GLB1: variants seen among roughly 807,000 people sequenced by gnomAD.
The protein encoded by GLB1 is beta-galactosidase.
GLB1 carries 56 observed loss-of-function variants against 74.0 expected under a neutral mutation model. That is an observed-to-expected ratio of 0.76 (90% CI 0.61 to 0.94). The LOEUF is 0.94. Among genes scored for constraint, GLB1 ranks in the 40% least tolerant of loss-of-function variants. The probability of loss-of-function intolerance (pLI) is 0.00; values close to 1 mark genes in which losing one functional copy is unlikely to be tolerated. For missense variants in GLB1, 787 were observed against 845.5 expected (o/e 0.93, Z 0.86); for synonymous variants, 323 against 323.6 (o/e 1.00, Z 0.02).
rs552156073 is a variant in GLB1 at position 33,070,333 on chromosome 3, C to T, written c.246-1363G>A. 1.2e-3 allele frequency among the ~76,000 whole-genome samples: 179 copies of T among 151,870 alleles called. 1 individual carries two copies. Among genetic ancestry groups the T allele is most frequent in the African/African-American group, 4.0e-3 (164 of 41,376 alleles). On this transcript the variant is annotated intron_variant, in intron 2 of 15. Transcript: ENST00000307363. Reference sequence around the variant, plus strand: ...GGGAAAGAGCTCAAAAATCCAGTATCCTACATAAATTTCTAAACTGTCTAT... The same window carrying T: ...GGGAAAGAGCTCAAAAATCCAGTATTCTACATAAATTTCTAAACTGTCTAT...
At chr3:33,007,285 C>A (rs1423553956) in intron 15 of GLB1, among the ~76,000 whole-genome samples, 1 of 152,204 alleles carries the variant, frequency 6.6e-6, no homozygotes, top group Non-Finnish European at 1.5e-5. Flanking sequence ...CAGAGCTGCA[C>A]AACCATTACC....
At chr3:32,974,811 A>G in the GLB1 span, among the ~76,000 whole-genome samples, 1 of 152,164 alleles carries the variant, frequency 6.6e-6, no homozygotes, top group Non-Finnish European at 1.5e-5. Context: ...CTCTCAATTA[A>G]TTGGATGAGA....
At chr3:32,971,488 C>T in the GLB1 span, among the ~76,000 whole-genome samples, 2 of 152,158 alleles carry the variant, frequency 1.3e-5, no homozygotes, top group African/African-American at 2.4e-5. Flanking sequence ...ATGCTATGTA[C>T]GTGGAGGAAC....
At chr3:33,054,340 C>A (rs1051503125) in intron 6 of GLB1, among the ~76,000 whole-genome samples, 2 of 152,154 alleles carry the variant, frequency 1.3e-5, no homozygotes, top group African/African-American at 2.4e-5. Flanking sequence ...TGATTGGACC[C>A]ATTTGAAGAT....
chr3:33,010,140 C>A lies in GLB1; in HGVS notation c.1734+3916G>T, dbSNP rs559262261. Among the ~76,000 whole-genome samples, 30 of 152,322 alleles carry A rather than the reference C, an allele frequency of 2.0e-4. No homozygotes were observed. In the South Asian group the frequency reaches 6.0e-3, roughly 31 times the overall value. Reference sequence around the variant, plus strand: ...CGGAATTGCTGGGTTCTATGGTAATCTATGTTTAGCCCTTGAAGAAATTGC... The same window carrying A: ...CGGAATTGCTGGGTTCTATGGTAATATATGTTTAGCCCTTGAAGAAATTGC... On this transcript the variant is annotated intron_variant, in intron 15 of 15. Transcript: ENST00000307363.
At chr3:33,006,679 T>C (rs1466811827) in intron 15 of GLB1, among the ~76,000 whole-genome samples, 2 of 152,224 alleles carry the variant, frequency 1.3e-5, no homozygotes, top group Non-Finnish European at 2.9e-5. Flanking sequence ...ACATCTGGCA[T>C]TAACCAGAAA....
chr3:33,025,910 C>G (rs1363258721), intron 10 of GLB1, among the ~76,000 whole-genome samples: 2 of 152,194 alleles, frequency 1.3e-5, no homozygotes, highest in Non-Finnish European at 2.9e-5. Context: ...CGTCACTGCT[C>G]TTGCCTTGCT....
At position 33,093,377 on chromosome 3, in the gene GLB1, G is replaced by A. The variant is rs747798378; in HGVS notation, c.75+3634C>T. The A allele has an allele frequency of 1.5e-5, 24 of 1,614,138 alleles. No homozygotes were observed. The East Asian group carries it at 3.6e-4, about 24-fold the overall frequency. On this transcript the variant is annotated intron_variant, in intron 1 of 15. Coordinates refer to ENST00000307363, the MANE Select transcript of GLB1 (RefSeq NM_000404.4). This position sits in a 1 kb window ranked among gnomAD's most constrained non-coding sequence, Gnocchi z 6.0. ...TGTAGTACTCATGATTGCCTGTGACGAAGTAGGCACCGAGATGTGAATGAA... is the reference window on the plus strand; with the variant it reads ...TGTAGTACTCATGATTGCCTGTGACAAAGTAGGCACCGAGATGTGAATGAA...
the GLB1 span, among the ~76,000 whole-genome samples, chr3:32,966,861 C>T: frequency 6.6e-6 from 1 of 152,172 alleles, no homozygotes; most frequent in Admixed American, 6.5e-5. Context: ...CGCTGTCTTG[C>T]CTGCTGCCAT....
At chr3:33,011,569 C>A (rs943961944) in intron 15 of GLB1, among the ~76,000 whole-genome samples, 3 of 144,526 alleles carry the variant, frequency 2.1e-5, no homozygotes, top group Non-Finnish European at 4.5e-5. Flanking sequence ...TGCTTGAGCC[C>A]GGGAGGCAGA....
chr3:33,068,016 G>T (rs1377837838), intron 4 of GLB1, among the ~76,000 whole-genome samples: 1 of 152,112 alleles, frequency 6.6e-6, no homozygotes, highest in Non-Finnish European at 1.5e-5. Flanking sequence ...CTCCTGAGTA[G>T]CTGGGATTAC....
chr3:33,056,106 T>C (rs1212509896), intron 6 of GLB1, among the ~76,000 whole-genome samples: 2 of 151,420 alleles, frequency 1.3e-5, no homozygotes, highest in Non-Finnish European at 2.9e-5. Context: ...CAGGTGCCTG[T>C]AATCCCAGCT....
chr3:33,088,949 GAGGAT>G (rs1249450821), intron 1 of GLB1, among the ~76,000 whole-genome samples: 1 of 152,178 alleles, frequency 6.6e-6, no homozygotes, highest in Non-Finnish European at 1.5e-5. Flanking sequence ...AGAGCAATGA[GAGGAT>G]AGAACACCAA....
chr3:32,982,348 T>G, the GLB1 span, among the ~76,000 whole-genome samples: 3 of 151,776 alleles, frequency 2.0e-5, no homozygotes, highest in African/African-American at 4.8e-5. Flanking sequence ...TTTCATAGAT[T>G]ATATTTATAC....
intron 12 of GLB1, among the ~76,000 whole-genome samples, chr3:33,020,893 T>C (rs1697442051): frequency 6.6e-6 from 1 of 152,146 alleles, no homozygotes; most frequent in Admixed American, 6.6e-5. Flanking sequence ...AGCAGTTGAC[T>C]ACATACACAG....
intron 15 of GLB1, among the ~76,000 whole-genome samples, chr3:32,998,254 T>C (rs891215350): frequency 6.6e-6 from 1 of 152,198 alleles, no homozygotes; most frequent in Non-Finnish European, 1.5e-5. Context: ...ATGCCTGTAA[T>C]CCCAGAACTT....
chr3:33,084,920 A>G (rs1700449212), intron 1 of GLB1, among the ~76,000 whole-genome samples: 1 of 152,188 alleles, frequency 6.6e-6, no homozygotes, highest in African/African-American at 2.4e-5. Context: ...TCTATTATAT[A>G]TGTAGTAGGA....
chr3:32,996,410 A>G (rs899447991), downstream of GLB1, among the ~76,000 whole-genome samples: 3 of 152,230 alleles, frequency 2.0e-5, no homozygotes, highest in African/African-American at 4.8e-5. Context: ...AAATTTGCAT[A>G]TAAGTATAGA....
chr3:33,084,335 T>G (rs1216379389), intron 1 of GLB1, among the ~76,000 whole-genome samples: 3 of 152,184 alleles, frequency 2.0e-5, no homozygotes, highest in African/African-American at 7.2e-5. Flanking sequence ...TTCAGGTGAC[T>G]ATGGGTCAAA....
Sources: gnomAD v4.1 joint callset for allele counts (sites outside exome capture counted in the v4.1 genomes callset) on GRCh38, gnomAD v4.1.1 for gene constraint, Gnocchi (gnomAD v3.1) non-coding constraint, MANE v1.5 for transcripts, NCBI Gene and HGNC (gene_info 2026-07-23, HGNC 2026-07-21) for gene names.